Variants in DGLUCY observed in about 807,000 individuals in gnomAD.
The protein encoded by DGLUCY is D-glutamate cyclase, also known as D-glutamate cyclase, mitochondrial.
DGLUCY carries 58 observed loss-of-function variants against 58.5 expected under a neutral mutation model. The observed-to-expected ratio is 0.99, with a 90% confidence interval of 0.80 to 1.23. The LOEUF (loss-of-function observed/expected upper bound fraction) is 1.23. Among genes scored for constraint, DGLUCY ranks in the 50% most tolerant of loss-of-function variants. DGLUCY has a pLI of 0.00. For synonymous variants in DGLUCY, 325 were observed against 314.1 expected (o/e 1.03, Z -0.37); for missense variants, 779 against 784.7 (o/e 0.99, Z 0.09).
chr14:91,128,501 AAAAAT>A lies in DGLUCY; in HGVS notation c.-82+14228_-82+14232del, dbSNP rs572246301. Among the ~76,000 whole-genome samples the A allele has an allele frequency of 6.5e-4, 99 of 152,158 alleles. 1 individual carries two copies. Among genetic ancestry groups the A allele is most frequent in the Non-Finnish European group, 1.2e-3 (79 of 67,996 alleles). On this transcript the variant is annotated intron_variant, in intron 1 of 13. Coordinates refer to ENST00000256324, the MANE Select transcript of DGLUCY (RefSeq NM_001102368.3). ...AGAGCGAGACTCTGTCTCAAACCAA[AAAAAT>A]AAAATAAAACAAAAAATAAAAGAAA...
intron 1 of DGLUCY, among the ~76,000 whole-genome samples, chr14:91,128,224 G>A (rs1324396282): frequency 6.0e-5 from 9 of 150,340 alleles, no homozygotes; most frequent in Non-Finnish European, 4.4e-5. Flanking sequence ...TATAATCCCA[G>A]CACTTTGGGA....
chr14:91,204,432 G>C (rs74083999), intron 11 of DGLUCY, among the ~76,000 whole-genome samples: 23,457 of 152,188 alleles, frequency 0.15, 1,930 homozygotes, highest in Middle Eastern at 0.19. Flanking sequence ...CTGGCACCAA[G>C]AGCATAGAAC....
Position 91,215,751 on chromosome 14 carries a change from AG to A in DGLUCY, c.1716+197del. The stretch of plus-strand genomic sequence containing the variant: ...TACTCGCAGTTCTGAATCGTGTGGC[AG>A]GCCTGATCCAAGTGACCATTTTCCT... On this transcript the variant is annotated intron_variant, in intron 13 of 13. Transcript: ENST00000256324. The A allele has an allele frequency of 2.1e-6, 3 of 1,442,740 alleles. No homozygotes were observed. The South Asian group carries it at 4.2e-5, about 20-fold the overall frequency. 89.4% of individuals were successfully genotyped at this position (1,442,740 alleles called of 1,614,324 possible). A position where few individuals can be genotyped will look rare whatever the true frequency, so the allele number is the denominator to read the frequency against.
rs563427783 is a variant in DGLUCY at position 91,091,666 on chromosome 14, A to G, written c.-82+30962A>G. Among the ~76,000 whole-genome samples, 4 of 152,294 alleles carry G rather than the reference A, an allele frequency of 2.6e-5. No individual in the cohort carries two copies. The South Asian group carries it at 8.3e-4, about 32-fold the overall frequency. ...TCCATAGCCTGTCTGGACAATTCAC[A>G]TGTGCATGTTTGGGGCAGAAGATAG... On this transcript the variant is annotated intron_variant, in intron 1 of 4. Coordinates refer to the DGLUCY transcript ENST00000521334.
chr14:91,167,480 T>C (rs774750292), intron 4 of DGLUCY, 102 bp downstream of exon 4: 2 of 1,455,364 alleles, frequency 1.4e-6, no homozygotes, highest in South Asian at 1.1e-5. Flanking sequence ...CTCAGGGACC[T>C]TCACAGTGCC....
intron 4 of DGLUCY, among the ~76,000 whole-genome samples, chr14:91,169,338 C>T (rs1320687263): frequency 6.6e-6 from 1 of 152,078 alleles, no homozygotes; most frequent in African/African-American, 2.4e-5. Flanking sequence ...GACACATATT[C>T]TCTGTCCCCT....
intron 1 of DGLUCY, among the ~76,000 whole-genome samples, chr14:91,094,804 CAA>C (rs1261275850): frequency 6.7e-6 from 1 of 148,392 alleles, no homozygotes; most frequent in Non-Finnish European, 1.5e-5. Flanking sequence ...GCCTGGGTGA[CAA>C]GAGCAAAACT....
At chr14:91,067,234 G>C (rs910758748) in intron 1 of DGLUCY, among the ~76,000 whole-genome samples, 2 of 150,392 alleles carry the variant, frequency 1.3e-5, no homozygotes, top group African/African-American at 4.9e-5. Flanking sequence ...AAATGAAAGG[G>C]AACCAAAAAA....
intron 1 of DGLUCY, among the ~76,000 whole-genome samples, chr14:91,092,394 T>C (rs1294209094): frequency 5.3e-5 from 8 of 152,246 alleles, no homozygotes; most frequent in Non-Finnish European, 1.2e-4. Context: ...CGTTTTGGTT[T>C]CTTTTAGTGT....
intron 2 of DGLUCY, 32 bp from the exon 3 acceptor site, chr14:91,160,234 T>C (rs2047899627): frequency 1.5e-6 from 2 of 1,369,826 alleles, no homozygotes; most frequent in African/African-American, 2.9e-5. Flanking sequence ...GGCCACACTT[T>C]CTAATTTGTT....
intron 9 of DGLUCY, among the ~76,000 whole-genome samples, chr14:91,191,446 C>T (rs2049886372): frequency 6.6e-6 from 1 of 152,110 alleles, no homozygotes; most frequent in Non-Finnish European, 1.5e-5. Context: ...CTAAAACAGG[C>T]CGGGCACAGT....
chr14:91,074,488 C>CA (rs1295550905), intron 1 of DGLUCY, among the ~76,000 whole-genome samples: 3 of 151,180 alleles, frequency 2.0e-5, no homozygotes, highest in Admixed American at 1.3e-4. Flanking sequence ...CTCAAAAAAA[C>CA]AAAAAAAGAA....
intron 1 of DGLUCY, among the ~76,000 whole-genome samples, chr14:91,153,371 CAG>C (rs748902423): frequency 6.6e-5 from 10 of 152,102 alleles, no homozygotes; most frequent in Non-Finnish European, 1.5e-4. Flanking sequence ...TTAGTAGAGA[CAG>C]GGTTTCACCA....
intron 9 of DGLUCY, among the ~76,000 whole-genome samples, chr14:91,193,982 G>A (rs1196954947): frequency 5.3e-5 from 8 of 152,072 alleles, no homozygotes; most frequent in Non-Finnish European, 4.4e-5. Context: ...TCCTTTTTGG[G>A]GATTCTCCTG....
chr14:91,153,691 G>C (rs1201407175), intron 1 of DGLUCY, among the ~76,000 whole-genome samples: 1 of 152,196 alleles, frequency 6.6e-6, no homozygotes, highest in Non-Finnish European at 1.5e-5. Context: ...AGCACTGCCT[G>C]CTCATGCAGG....
intron 1 of DGLUCY, among the ~76,000 whole-genome samples, chr14:91,156,331 C>G (rs887037877): frequency 6.6e-6 from 1 of 152,166 alleles, no homozygotes. Context: ...CTAGGCTGGT[C>G]TCAAACTGCT....
intron 1 of DGLUCY, among the ~76,000 whole-genome samples, chr14:91,138,602 T>C (rs924425744): frequency 6.6e-6 from 1 of 152,194 alleles, no homozygotes; most frequent in South Asian, 2.1e-4. Context: ...CTTAAATTCA[T>C]TGCAGAAGGC....
rs910652556 is a variant in DGLUCY, at chr14:91,082,455, G to C, written c.-82+21751G>C. On this transcript the variant is annotated intron_variant, in intron 1 of 4. Coordinates refer to the DGLUCY transcript ENST00000521334. ...CTTCAGGAACATTGTTGAGAACAAA[G>C]TCCACCTCATCTCAATACCAGGAAT... is the stretch of plus-strand genomic sequence containing the variant. Among the ~76,000 whole-genome samples, 27 of 152,196 alleles carry C rather than the reference G, an allele frequency of 1.8e-4. 2 individuals carry two copies. In the East Asian group the frequency reaches 3.3e-3, roughly 18 times the overall value.
intron 8 of DGLUCY, among the ~76,000 whole-genome samples, chr14:91,182,231 T>G (rs2049224902): frequency 6.6e-6 from 1 of 152,222 alleles, no homozygotes; most frequent in Non-Finnish European, 1.5e-5. Context: ...TCCACCCATC[T>G]CGGCCTCCCG....
Sources: allele counts gnomAD v4.1 joint callset (sites outside exome capture counted in the v4.1 genomes callset), GRCh38; gene constraint gnomAD v4.1.1; transcripts MANE v1.5; gene names NCBI Gene and HGNC (gene_info 2026-07-23, HGNC 2026-07-21).